Variants in FAM174B observed in about 807,000 individuals in gnomAD.
FAM174B encodes family with sequence similarity 174 member B, also known as membrane protein FAM174B.
In FAM174B, 12 loss-of-function variants were observed where a neutral mutation model predicts 10.9. The observed-to-expected ratio is 1.10, with a 90% CI of 0.71 to 1.79. The LOEUF (loss-of-function observed/expected upper bound fraction) is 1.79. FAM174B is among the 40% of genes most tolerant of loss of function. The pLI is 0.00. For synonymous variants in FAM174B, 132 were observed against 115.8 expected (o/e 1.14, Z -0.90); for missense variants, 266 against 233.3 (o/e 1.14, Z -0.91).
intron 1 of FAM174B, among the ~76,000 whole-genome samples, chr15:92,638,007 C>T (rs935150579): frequency 3.3e-5 from 5 of 152,136 alleles, no homozygotes; most frequent in Admixed American, 1.3e-4. Context: ...GCCAGTGGGA[C>T]GGCAGCCTAC....
At chr15:92,648,480 C>T (rs1018318506) in intron 1 of FAM174B, among the ~76,000 whole-genome samples, 8 of 152,152 alleles carry the variant, frequency 5.3e-5, no homozygotes, top group African/African-American at 1.7e-4. Flanking sequence ...GGGGAGACCT[C>T]GCTGGACAGG....
At chr15:92,649,542 G>C (rs367777487) in intron 1 of FAM174B, among the ~76,000 whole-genome samples, 18 of 152,308 alleles carry the variant, frequency 1.2e-4, no homozygotes, top group African/African-American at 4.1e-4. Context: ...TGCTTAAAGG[G>C]GAGCCAGAGA....
rs1201544808 is a variant in FAM174B at position 92,631,395 on chromosome 15, T to TAA, written c.345-1051_345-1050insTT. Among the ~76,000 whole-genome samples, 20 of 22,398 alleles carry TAA rather than the reference T, an allele frequency of 8.9e-4. 1 individual carries two copies. Among genetic ancestry groups the TAA allele is most frequent in the Admixed American group, 3.7e-3 (5 of 1,338 alleles). 14.7% of individuals were successfully genotyped at this position (22,398 alleles called of 152,430 possible). On this transcript the variant is annotated intron_variant, in intron 1 of 2. Transcript: ENST00000327355. ...TATATAATATATTATATATTATATA[T>TAA]TATATTATATTATATATAATATATA...
chr15:92,618,744 GCACACACACA>G lies in FAM174B; in HGVS notation c.*702_*711del, dbSNP rs10557124. Reference sequence around the variant, plus strand: ...CACACACGTGCACACGCACACACGTGCACACACACACACACACACACGCACAGTTTTTCCC... The same window carrying G: ...CACACACGTGCACACGCACACACGTGCACACACACACGCACAGTTTTTCCC... On this transcript the variant is annotated 3_prime_UTR_variant, in exon 3 of 3. Transcript: ENST00000327355. 6.7e-6 allele frequency: 1 copy of G among 150,186 alleles called. No homozygotes were observed. Among genetic ancestry groups the G allele is most frequent in the Non-Finnish European group, 1.4e-5 (1 of 69,216 alleles). 9.3% of individuals were successfully genotyped at this position (150,186 alleles called of 1,614,324 possible). A position where few individuals can be genotyped will look rare whatever the true frequency, so the allele number is the denominator to read the frequency against.
chr15:92,631,175 T>C (rs184812076), intron 1 of FAM174B, among the ~76,000 whole-genome samples: 1,147 of 15,472 alleles, frequency 0.074, 463 homozygotes, highest in Non-Finnish European at 0.17. Flanking sequence ...TAATAATTTA[T>C]ATATTATATT....
At chr15:92,631,428 A>T (rs1361910901) in intron 1 of FAM174B, among the ~76,000 whole-genome samples, 1 of 40,710 alleles carries the variant, frequency 2.5e-5, no homozygotes, top group East Asian at 4.0e-4. Context: ...ATAATATATA[A>T]TATAATATAT....
chr15:92,630,731 T>C (rs189641488), intron 1 of FAM174B, among the ~76,000 whole-genome samples: 2 of 127,430 alleles, frequency 1.6e-5, no homozygotes, highest in East Asian at 4.2e-4. Flanking sequence ...TTATATTATA[T>C]AATTATATAT....
intron 2 of FAM174B, among the ~76,000 whole-genome samples, chr15:92,624,388 C>T (rs779691528): frequency 3.4e-4 from 50 of 149,152 alleles, no homozygotes; most frequent in Admixed American, 2.3e-3. Context: ...CACGAGGAAG[C>T]CTGGGGTGCC....
At chr15:92,627,582 A>G (rs147367498) in intron 2 of FAM174B, among the ~76,000 whole-genome samples, 34 of 152,330 alleles carry the variant, frequency 2.2e-4, no homozygotes, top group African/African-American at 7.9e-4. Flanking sequence ...ATTGATTGTC[A>G]TATTTCCTTG....
At chr15:92,649,974 G>C (rs2050954730) in intron 1 of FAM174B, among the ~76,000 whole-genome samples, 1 of 152,158 alleles carries the variant, frequency 6.6e-6, no homozygotes, top group Non-Finnish European at 1.5e-5. Flanking sequence ...ACCGACTGAT[G>C]CTAACAAGTC....
chr15:92,644,865 T>C (rs2050915716), intron 1 of FAM174B, among the ~76,000 whole-genome samples: 1 of 152,226 alleles, frequency 6.6e-6, no homozygotes, highest in African/African-American at 2.4e-5. Context: ...ACAGAGGTCT[T>C]GCACTTCCAT....
At chr15:92,648,045 C>T (rs1344074031) in intron 1 of FAM174B, among the ~76,000 whole-genome samples, 2 of 152,212 alleles carry the variant, frequency 1.3e-5, no homozygotes, top group South Asian at 2.1e-4. Context: ...CAATCAAAAC[C>T]TCTTTGAATC....
At chr15:92,643,079 T>TGATA (rs1225981654) in intron 1 of FAM174B, among the ~76,000 whole-genome samples, 1 of 151,984 alleles carries the variant, frequency 6.6e-6, no homozygotes, top group African/African-American at 2.4e-5. Flanking sequence ...TTGATTTCAG[T>TGATA]GATAGATGCA....
chr15:92,636,314 A>C (rs1351628988), intron 1 of FAM174B, among the ~76,000 whole-genome samples: 9 of 152,058 alleles, frequency 5.9e-5, no homozygotes. Flanking sequence ...ACCCTGACTC[A>C]AAATAATAAT....
intron 2 of FAM174B, among the ~76,000 whole-genome samples, chr15:92,620,294 C>T (rs552360601): frequency 4.6e-5 from 7 of 152,234 alleles, no homozygotes; most frequent in African/African-American, 1.4e-4. Context: ...GTCAGGAGAT[C>T]GCGACCATCC....
At chr15:92,623,560 T>C (rs1866173) in intron 2 of FAM174B, among the ~76,000 whole-genome samples, 1 of 151,996 alleles carries the variant, frequency 6.6e-6, no homozygotes, top group African/African-American at 2.4e-5. Context: ...CCCAACTTGC[T>C]TCTGGCCCAT....
At position 92,618,855 on chromosome 15, in the gene FAM174B, A is replaced by AAT; in HGVS notation, c.*600_*601insAT. 1 of 185,176 alleles carries AAT rather than the reference A, an allele frequency of 5.4e-6. No individual in the cohort carries two copies. Among genetic ancestry groups the AAT allele is most frequent in the African/African-American group, 2.4e-5 (1 of 41,354 alleles). The allele number at this position is 185,176 out of a possible 1,614,324, so 11.5% of individuals were successfully genotyped here. A position where few individuals can be genotyped will look rare whatever the true frequency, so the allele number is the denominator to read the frequency against. ...TTTTTTTTTTTAAAAAAAAAAAAAA[A>AAT]GGAAGAAAGAAAAGGAGCCACAGAC... On this transcript the variant is annotated 3_prime_UTR_variant, in exon 3 of 3. Transcript: ENST00000327355.
At position 92,650,969 on chromosome 15, in the gene FAM174B, G is replaced by C. The variant is rs906002408; in HGVS notation, c.344+4347C>G. Among the ~76,000 whole-genome samples the C allele has an allele frequency of 3.3e-5, 5 of 152,318 alleles. No homozygotes were observed. The South Asian group carries it at 1.0e-3, about 32-fold the overall frequency. ...GATTTTTGTCTCCTGTCTAAAAATGGTTTGCCTTAATGATGAAATACATTT... is the reference window on the plus strand; with the variant it reads ...GATTTTTGTCTCCTGTCTAAAAATGCTTTGCCTTAATGATGAAATACATTT... On this transcript the variant is annotated intron_variant, in intron 1 of 2. Transcript: ENST00000327355.
intron 1 of FAM174B, among the ~76,000 whole-genome samples, chr15:92,654,592 T>C (rs1443081510): frequency 2.0e-5 from 3 of 152,082 alleles, no homozygotes; most frequent in Admixed American, 6.5e-5. Context: ...CCCCTGTGAA[T>C]GTTCATCTAG....
Sources: gnomAD v4.1 joint callset for allele counts (sites outside exome capture counted in the v4.1 genomes callset) on GRCh38, gnomAD v4.1.1 for gene constraint, MANE v1.5 for transcripts, NCBI Gene and HGNC (gene_info 2026-07-23, HGNC 2026-07-21) for gene names.